Variants in EYS observed in about 807,000 individuals in gnomAD.
EYS encodes the protein EGF-like photoreceptor maintenance factor.
Under a neutral mutation model 282.1 loss-of-function variants are expected in EYS, and 250 were observed. The ratio of observed to expected loss-of-function variants is 0.89; its 90% CI spans 0.80 to 0.98. The LOEUF (loss-of-function observed/expected upper bound fraction) is 0.98. EYS is among the 50% of genes least tolerant of loss of function. The pLI, the probability that EYS is intolerant of heterozygous loss-of-function variation, is 0.00. For missense variants in EYS, 4,016 were observed against 3,709.0 expected (o/e 1.08, Z -2.15); for synonymous variants, 1,355 against 1,282.9 (o/e 1.06, Z -1.20).
At chr6:65,519,708 ATTTTTTTTTTT>A (rs59743261) in intron 2 of EYS, among the ~76,000 whole-genome samples, 7 of 42,562 alleles carry the variant, frequency 1.6e-4, no homozygotes, top group South Asian at 1.1e-3. Flanking sequence ...ATATATATAT[ATTTTTTTTTTT>A]TTTTTTTTTT....
At chr6:64,152,268 T>C (rs1395714560) in intron 31 of EYS, among the ~76,000 whole-genome samples, 3 of 152,210 alleles carry the variant, frequency 2.0e-5, no homozygotes, top group African/African-American at 7.2e-5. Context: ...ATATAATGTT[T>C]AGATTATGAG....
At chr6:64,066,979 C>G (rs546144295) in intron 32 of EYS, among the ~76,000 whole-genome samples, 1 of 152,088 alleles carries the variant, frequency 6.6e-6, no homozygotes, top group South Asian at 2.1e-4. Flanking sequence ...CATCTTCTAT[C>G]AAAATAATAG....
At chr6:65,613,880 T>C (rs1409483200) in intron 2 of EYS, among the ~76,000 whole-genome samples, 2 of 151,900 alleles carry the variant, frequency 1.3e-5, no homozygotes, top group Non-Finnish European at 3.0e-5. Flanking sequence ...TTCATATGGA[T>C]GGTTTATGGT....
chr6:65,573,542 A>C (rs955537894), intron 2 of EYS, among the ~76,000 whole-genome samples: 19 of 152,180 alleles, frequency 1.2e-4, no homozygotes, highest in Non-Finnish European at 2.8e-4. Context: ...AAGAACTGCC[A>C]CAGATACATG....
At chr6:65,261,216 T>C (rs540665634) in intron 12 of EYS, among the ~76,000 whole-genome samples, 1 of 152,096 alleles carries the variant, frequency 6.6e-6, no homozygotes, top group East Asian at 1.9e-4. Flanking sequence ...GTTTAATCAA[T>C]GGTTATTTTT....
At position 65,647,064 on chromosome 6, in the gene EYS, G is replaced by A. The variant is rs532634155; in HGVS notation, c.-447-7172C>T. On this transcript the variant is annotated intron_variant, in intron 1 of 42. Coordinates refer to ENST00000503581, the MANE Select transcript of EYS (RefSeq NM_001142800.2). ...CCATGCTCATCTCATGGGTAGAATC[G>A]AAATCATGAAAATGACCATACTGCC... 1.7e-4 allele frequency among the ~76,000 whole-genome samples: 26 copies of A among 152,094 alleles called. 1 individual carries two copies. Among genetic ancestry groups the A allele is most frequent in the Admixed American group, 1.0e-3 (16 of 15,278 alleles).
At chr6:65,090,393 T>C (rs1774523999) in intron 12 of EYS, among the ~76,000 whole-genome samples, 2 of 152,170 alleles carry the variant, frequency 1.3e-5, no homozygotes, top group South Asian at 2.1e-4. Flanking sequence ...TCACCTGCCA[T>C]GCAGAACTGT....
chr6:64,333,228 T>C (rs1486994788), intron 29 of EYS, among the ~76,000 whole-genome samples: 1 of 152,162 alleles, frequency 6.6e-6, no homozygotes, highest in African/African-American at 2.4e-5. Flanking sequence ...GAACCCCTAA[T>C]GCTATCATAT....
At position 64,132,746 on chromosome 6, in the gene EYS, T is replaced by G. The variant is rs1432468162; in HGVS notation, c.6425-50744A>C. ...ATATTCAATACTATTTGTCTAGTTT[T>G]TAAAAATTTTTATACTTTGCAATAA... On this transcript the variant is annotated intron_variant, in intron 31 of 42. Transcript: ENST00000503581. Among the ~76,000 whole-genome samples the G allele has an allele frequency of 2.6e-5, 4 of 151,840 alleles. No homozygotes were observed. In the East Asian group the frequency reaches 7.7e-4, roughly 29 times the overall value.
chr6:65,679,171 C>T (rs911197368), intron 1 of EYS, among the ~76,000 whole-genome samples: 2 of 151,864 alleles, frequency 1.3e-5, no homozygotes, highest in Admixed American at 1.3e-4. Context: ...TCTAAAGTAA[C>T]TGAAAGCAGG....
chr6:64,761,604 A>ATG (rs1325643931), intron 22 of EYS, among the ~76,000 whole-genome samples: 1 of 152,096 alleles, frequency 6.6e-6, no homozygotes, highest in Non-Finnish European at 1.5e-5. Flanking sequence ...CTACTGGCGC[A>ATG]TGCCACCATG....
chr6:64,657,257 T>TGC (rs1768784804), intron 22 of EYS, among the ~76,000 whole-genome samples: 1 of 152,168 alleles, frequency 6.6e-6, no homozygotes, highest in African/African-American at 2.4e-5. Flanking sequence ...TCTCTGCACA[T>TGC]GAGATGGGTT....
intron 31 of EYS, among the ~76,000 whole-genome samples, chr6:64,188,382 AG>A (rs1182715323): frequency 3.3e-5 from 5 of 152,160 alleles, no homozygotes; most frequent in Admixed American, 3.3e-4. Context: ...TCATTGAACT[AG>A]GGTTGCAATA....
chr6:64,813,620 G>A (rs1764664553), intron 21 of EYS, 43 bp from the exon 22 acceptor site: 2 of 1,191,212 alleles, frequency 1.7e-6, no homozygotes, highest in South Asian at 1.8e-5. Flanking sequence ...ATTAGTATAA[G>A]GTTGACCATT....
intron 31 of EYS, among the ~76,000 whole-genome samples, chr6:64,155,173 G>T (rs1344393703): frequency 6.6e-6 from 1 of 152,126 alleles, no homozygotes; most frequent in Admixed American, 6.6e-5. Context: ...GCTAGCCCTG[G>T]AGAGAATGAT....
chr6:65,206,829 T>G (rs1170871874), intron 12 of EYS, among the ~76,000 whole-genome samples: 1 of 151,762 alleles, frequency 6.6e-6, no homozygotes. Context: ...CAACATTTCT[T>G]CAAGATGAAA....
intron 35 of EYS, among the ~76,000 whole-genome samples, chr6:63,892,240 A>G (rs749630079): frequency 6.6e-6 from 1 of 152,218 alleles, no homozygotes; most frequent in Non-Finnish European, 1.5e-5. Flanking sequence ...TTTAAATTTC[A>G]TATGGAACCA....
intron 31 of EYS, among the ~76,000 whole-genome samples, chr6:64,149,046 T>C (rs537521649): frequency 6.6e-6 from 1 of 152,284 alleles, no homozygotes; most frequent in East Asian, 1.9e-4. Context: ...ATCAATATGG[T>C]ACAGCATTTT....
At chr6:65,060,782 GTATATA>G (rs3065332) in intron 12 of EYS, among the ~76,000 whole-genome samples, 182 of 143,838 alleles carry the variant, frequency 1.3e-3, no homozygotes, top group African/African-American at 4.2e-3. Context: ...ATATATATGT[GTATATA>G]TATATATATA....
Sources: gnomAD v4.1 joint callset for allele counts (sites outside exome capture counted in the v4.1 genomes callset) on GRCh38, gnomAD v4.1.1 for gene constraint, MANE v1.5 for transcripts, NCBI Gene and HGNC (gene_info 2026-07-23, HGNC 2026-07-21) for gene names.